TMEM163: variants seen among roughly 807,000 people sequenced by gnomAD.
The protein encoded by TMEM163 is transmembrane protein 163.
TMEM163 carries 17 observed loss-of-function variants against 29.3 expected under a neutral mutation model. That is an observed-to-expected ratio of 0.58 (90% CI 0.40 to 0.87). The LOEUF (loss-of-function observed/expected upper bound fraction) is 0.87. Ranked by LOEUF, TMEM163 falls within the 40% of genes least tolerant of loss-of-function variation. TMEM163 has a pLI of 0.00. For synonymous variants in TMEM163, 157 were observed against 160.6 expected (o/e 0.98, Z 0.17); for missense variants, 303 against 381.5 (o/e 0.79, Z 1.71).
intron 2 of TMEM163, among the ~76,000 whole-genome samples, chr2:134,681,505 C>G (rs545628319): frequency 3.3e-5 from 5 of 152,272 alleles, no homozygotes; most frequent in African/African-American, 1.2e-4. Context: ...ACCTCTTTCT[C>G]TCTACCCCCC....
At chr2:134,620,742 T>G (rs1464069655) in intron 2 of TMEM163, among the ~76,000 whole-genome samples, 1 of 152,192 alleles carries the variant, frequency 6.6e-6, no homozygotes, top group African/African-American at 2.4e-5. Context: ...CTTTTCAATA[T>G]ATGGTGCTGG....
intron 2 of TMEM163, among the ~76,000 whole-genome samples, chr2:134,657,328 T>A (rs191890649): frequency 6.6e-6 from 1 of 152,330 alleles, no homozygotes; most frequent in East Asian, 1.9e-4. Flanking sequence ...CTTGGCAAGT[T>A]GTGTATATAC....
chr2:134,608,547 A>C (rs1682415191), intron 2 of TMEM163, among the ~76,000 whole-genome samples: 15 of 38,334 alleles, frequency 3.9e-4, no homozygotes, highest in African/African-American at 1.4e-3. Context: ...TGCTGGTGAA[A>C]AGGACAGACC....
chr2:134,462,316 C>T (rs1223969332), intron 6 of TMEM163, among the ~76,000 whole-genome samples: 1 of 152,132 alleles, frequency 6.6e-6, no homozygotes, highest in Non-Finnish European at 1.5e-5. Context: ...CCAGCTCCCT[C>T]GACTCTGCTC....
At chr2:134,611,405 T>C (rs1682501303) in intron 2 of TMEM163, among the ~76,000 whole-genome samples, 2 of 152,156 alleles carry the variant, frequency 1.3e-5, no homozygotes, top group African/African-American at 4.8e-5. Context: ...AAAAATATAA[T>C]GAAGTGTTAA....
At chr2:134,662,555 G>A (rs951364756) in intron 2 of TMEM163, among the ~76,000 whole-genome samples, 1 of 152,152 alleles carries the variant, frequency 6.6e-6, no homozygotes, top group Non-Finnish European at 1.5e-5. Context: ...AAGACTAGCT[G>A]TAAATATGAC....
In TMEM163 at chr2:134,604,279, A is replaced by C. The variant is rs137947293; in HGVS notation, c.323-52188T>G. Among the ~76,000 whole-genome samples, 1,414 of 152,268 alleles carry C rather than the reference A, an allele frequency of 9.3e-3. 29 individuals are homozygous for C. Among genetic ancestry groups the C allele is most frequent in the African/African-American group, 0.032 (1,320 of 41,540 alleles). On this transcript the variant is annotated intron_variant, in intron 2 of 7. Coordinates refer to ENST00000281924, the MANE Select transcript of TMEM163 (RefSeq NM_030923.5). ...TGGGGATGCCGAATGTCCATCTGTG[A>C]GGGGGACGGACTAAATTCTGTTACC... is the stretch of plus-strand genomic sequence containing the variant.
At chr2:134,665,632 T>A (rs1177198344) in intron 2 of TMEM163, among the ~76,000 whole-genome samples, 1 of 152,070 alleles carries the variant, frequency 6.6e-6, no homozygotes, top group Non-Finnish European at 1.5e-5. Flanking sequence ...CAATACTAGG[T>A]GAGTACACAG....
chr2:134,711,614 T>C (rs1187855084), intron 2 of TMEM163, among the ~76,000 whole-genome samples: 1 of 152,364 alleles, frequency 6.6e-6, no homozygotes, highest in African/African-American at 2.4e-5. Flanking sequence ...ACTATGCAAC[T>C]GTCTTTCTTT....
chr2:134,482,178 G>T (rs1005886996), intron 5 of TMEM163, among the ~76,000 whole-genome samples: 5 of 152,146 alleles, frequency 3.3e-5, no homozygotes, highest in African/African-American at 9.7e-5. Flanking sequence ...TCATCTCAAA[G>T]ATAAGACAAC....
At chr2:134,486,861 CA>C (rs79253617) in intron 5 of TMEM163, among the ~76,000 whole-genome samples, 25,306 of 152,066 alleles carry the variant, frequency 0.17, 2,279 homozygotes, top group South Asian at 0.26. Flanking sequence ...GCTCTTTGAC[CA>C]AAGAGGGTTT....
At chr2:134,617,078 A>G (rs1428186771) in intron 2 of TMEM163, among the ~76,000 whole-genome samples, 2 of 152,180 alleles carry the variant, frequency 1.3e-5, no homozygotes, top group Non-Finnish European at 2.9e-5. Context: ...TCTTCTTTTA[A>G]TTTCTTTAAA....
intron 2 of TMEM163, among the ~76,000 whole-genome samples, chr2:134,610,373 A>C (rs184725144): frequency 6.6e-6 from 1 of 152,230 alleles, no homozygotes; most frequent in Non-Finnish European, 1.5e-5. Context: ...GGAACTCAGC[A>C]GTTTGCAAAT....
chr2:134,629,079 C>T (rs1352479006), intron 2 of TMEM163, among the ~76,000 whole-genome samples: 5 of 152,176 alleles, frequency 3.3e-5, no homozygotes, highest in African/African-American at 7.2e-5. Flanking sequence ...TGCGCCAGGT[C>T]TTACCTAAGT....
intron 4 of TMEM163, among the ~76,000 whole-genome samples, chr2:134,519,670 C>A (rs1190970197): frequency 1.3e-5 from 2 of 151,822 alleles, no homozygotes; most frequent in Non-Finnish European, 2.9e-5. Flanking sequence ...CGAGATCGTG[C>A]CACTGCCCTC....
intron 2 of TMEM163, among the ~76,000 whole-genome samples, chr2:134,591,906 A>AT (rs1306024640): frequency 1.0e-5 from 1 of 98,742 alleles, no homozygotes; most frequent in African/African-American, 3.8e-5. Context: ...GACAGTGTTG[A>AT]TTAAAAAAAA....
chr2:134,699,999 G>T (rs115118538), intron 2 of TMEM163, among the ~76,000 whole-genome samples: 1 of 151,024 alleles, frequency 6.6e-6, no homozygotes, highest in Non-Finnish European at 1.5e-5. Flanking sequence ...GTGGTCTTAC[G>T]TTTTAAATTT....
At chr2:134,588,170 T>C (rs1681862721) in intron 2 of TMEM163, among the ~76,000 whole-genome samples, 1 of 152,208 alleles carries the variant, frequency 6.6e-6, no homozygotes, top group African/African-American at 2.4e-5. Context: ...ATCCCACTCC[T>C]GGTAGAGCTG....
chr2:134,673,227 C>G (rs1451967122), intron 2 of TMEM163, among the ~76,000 whole-genome samples: 3 of 152,118 alleles, frequency 2.0e-5, no homozygotes, highest in Non-Finnish European at 4.4e-5. Context: ...AAGATATAGT[C>G]CCGTTTCATG....
Sources: allele counts gnomAD v4.1 joint callset (sites outside exome capture counted in the v4.1 genomes callset), GRCh38; gene constraint gnomAD v4.1.1; transcripts MANE v1.5; gene names NCBI Gene and HGNC (gene_info 2026-07-23, HGNC 2026-07-21).